Variants in NRG3 observed in about 807,000 individuals in gnomAD.
NRG3 encodes the protein pro-neuregulin-3, membrane-bound isoform.
A neutral mutation model predicts 66.9 loss-of-function variants in NRG3; 31 were observed. That is an observed-to-expected ratio of 0.46 (90% CI 0.35 to 0.63). NRG3 has a LOEUF of 0.63. Ranked by LOEUF, NRG3 falls within the 20% of genes least tolerant of loss-of-function variation. The probability of loss-of-function intolerance (pLI) is 0.00; values close to 1 mark genes in which losing one functional copy is unlikely to be tolerated. For missense variants in NRG3, 910 were observed against 878.9 expected, an observed-to-expected ratio of 1.04 and a Z score of -0.45; for synonymous variants, 393 against 359.4, an observed-to-expected ratio of 1.09 and a Z score of -1.06.
intron 2 of NRG3, among the ~76,000 whole-genome samples, chr10:82,551,632 A>T (rs1450780641): frequency 2.0e-5 from 3 of 150,960 alleles, no homozygotes; most frequent in Non-Finnish European, 4.4e-5. Flanking sequence ...CAGATACATG[A>T]GGCCACACAA....
intron 3 of NRG3, among the ~76,000 whole-genome samples, chr10:82,861,190 G>C (rs28468520): frequency 6.6e-6 from 1 of 151,852 alleles, no homozygotes; most frequent in African/African-American, 2.4e-5. Context: ...AAGTGAGAGA[G>C]AGAGAAAGAA....
intron 1 of NRG3, among the ~76,000 whole-genome samples, chr10:82,133,012 C>A (rs753819680): frequency 1.3e-5 from 2 of 151,678 alleles, no homozygotes; most frequent in African/African-American, 4.8e-5. Flanking sequence ...TACAAAAAAT[C>A]AACTTCATTT....
intron 2 of NRG3, among the ~76,000 whole-genome samples, chr10:82,519,320 C>T (rs1461413808): frequency 6.6e-6 from 1 of 152,148 alleles, no homozygotes; most frequent in East Asian, 1.9e-4. Flanking sequence ...CTCTGTTCTT[C>T]ATTGCCTTGA....
At chr10:81,919,948 C>T (rs188289080) in intron 1 of NRG3, among the ~76,000 whole-genome samples, 24 of 152,182 alleles carry the variant, frequency 1.6e-4, no homozygotes, top group Admixed American at 1.4e-3. Context: ...TGTTCTTCCC[C>T]GCTACTGCTA....
chr10:82,614,403 T>G (rs2048509675), intron 2 of NRG3, among the ~76,000 whole-genome samples: 2 of 152,232 alleles, frequency 1.3e-5, no homozygotes, highest in Non-Finnish European at 2.9e-5. Flanking sequence ...TAGAGCTTTA[T>G]GCCGCTAGCT....
chr10:82,747,276 T>C (rs1244196387), intron 3 of NRG3, among the ~76,000 whole-genome samples: 1 of 152,052 alleles, frequency 6.6e-6, no homozygotes, highest in Non-Finnish European at 1.5e-5. Context: ...CGTAAATTAT[T>C]TTACCAGTCA....
intron 2 of NRG3, among the ~76,000 whole-genome samples, chr10:82,533,246 T>G (rs909773522): frequency 6.6e-6 from 1 of 152,122 alleles, no homozygotes; most frequent in African/African-American, 2.4e-5. Flanking sequence ...TTCTGTAGGT[T>G]GACTTTTCAT....
chr10:82,547,503 A>G (rs943912781), intron 2 of NRG3, among the ~76,000 whole-genome samples: 1 of 150,818 alleles, frequency 6.6e-6, no homozygotes, highest in Non-Finnish European at 1.5e-5. Flanking sequence ...ATATGTGTAT[A>G]TATATATTCC....
intron 1 of NRG3, among the ~76,000 whole-genome samples, chr10:82,282,340 C>T (rs1363888985): frequency 6.6e-6 from 1 of 151,730 alleles, no homozygotes; most frequent in African/African-American, 2.4e-5. Flanking sequence ...ACCAATTCAC[C>T]TGCACTGATG....
chr10:82,267,047 T>TGGA (rs1186499672), intron 1 of NRG3, among the ~76,000 whole-genome samples: 1 of 152,182 alleles, frequency 6.6e-6, no homozygotes, highest in African/African-American at 2.4e-5. Context: ...TGTGGGGTCC[T>TGGA]GGCTTCAGTG....
chr10:82,557,049 G>A (rs377055719), intron 2 of NRG3, among the ~76,000 whole-genome samples: 352 of 152,206 alleles, frequency 2.3e-3, no homozygotes, highest in African/African-American at 7.6e-3. Flanking sequence ...ATTGATGGGC[G>A]TTGAGGTTGA....
intron 2 of NRG3, among the ~76,000 whole-genome samples, chr10:82,716,629 T>C (rs1168866152): frequency 1.3e-5 from 2 of 152,192 alleles, no homozygotes; most frequent in African/African-American, 4.8e-5. Context: ...CAAACCAAAA[T>C]GAGGCCCTGA....
intron 1 of NRG3, among the ~76,000 whole-genome samples, chr10:82,201,291 G>A (rs531493982): frequency 6.6e-6 from 1 of 151,950 alleles, no homozygotes; most frequent in Non-Finnish European, 1.5e-5. Flanking sequence ...CATGGCCAGA[G>A]GGAAGGAGTT....
At chr10:82,789,596 G>A (rs2135358887) in intron 3 of NRG3, among the ~76,000 whole-genome samples, 1 of 152,032 alleles carries the variant, frequency 6.6e-6, no homozygotes, top group South Asian at 2.1e-4. Flanking sequence ...TATATCTCTT[G>A]TAGATAGCAT....
chr10:82,249,572 A>G (rs1482370923), intron 1 of NRG3, among the ~76,000 whole-genome samples: 1 of 152,252 alleles, frequency 6.6e-6, no homozygotes, highest in Non-Finnish European at 1.5e-5. Context: ...GAGAAAGAAA[A>G]AATAAATAAT....
chr10:81,894,169 C>T (rs1306419092), intron 1 of NRG3, among the ~76,000 whole-genome samples: 4 of 151,958 alleles, frequency 2.6e-5, no homozygotes, highest in Non-Finnish European at 5.9e-5. Context: ...GGCCAAATCC[C>T]GTCTCCACTA....
chr10:82,212,246 C>T (rs566488977), intron 1 of NRG3, among the ~76,000 whole-genome samples: 104 of 152,264 alleles, frequency 6.8e-4, no homozygotes, highest in African/African-American at 2.2e-3. Context: ...AGAAGCACCT[C>T]GTTGTAGATA....
intron 2 of NRG3, among the ~76,000 whole-genome samples, chr10:82,588,149 T>A (rs2046780396): frequency 1.3e-5 from 2 of 152,268 alleles, no homozygotes; most frequent in South Asian, 4.1e-4. Context: ...ACCTCCTGGT[T>A]CCATCCTTTT....
chr10:82,102,924 C>T lies in NRG3; in HGVS notation c.823+226761C>T, dbSNP rs187735440. On this transcript the variant is annotated intron_variant, in intron 1 of 8. Transcript: ENST00000372141. ...GTCTACTATATTATTCGATATTTACCATTCTGTTGTTCTGCCTTCATTTTG... is the reference window on the plus strand; with the variant it reads ...GTCTACTATATTATTCGATATTTACTATTCTGTTGTTCTGCCTTCATTTTG... 1.1e-3 allele frequency among the ~76,000 whole-genome samples: 162 copies of T among 152,096 alleles called. 1 individual carries two copies. The South Asian group carries it at 0.012, about 11-fold the overall frequency.
Sources: gnomAD v4.1 joint callset for allele counts (sites outside exome capture counted in the v4.1 genomes callset) on GRCh38, gnomAD v4.1.1 for gene constraint, MANE v1.5 for transcripts, NCBI Gene and HGNC (gene_info 2026-07-23, HGNC 2026-07-21) for gene names.